CDH13: variants seen among roughly 807,000 people sequenced by gnomAD.
The protein encoded by CDH13 is cadherin 13.
A neutral mutation model predicts 63.8 loss-of-function variants in CDH13; 24 were observed. The ratio of observed to expected loss-of-function variants is 0.38; its 90% CI spans 0.27 to 0.53. The LOEUF is 0.53. Ranked by LOEUF, CDH13 falls within the 20% of genes least tolerant of loss-of-function variation. The pLI is 0.85. For missense variants in CDH13, 1,049 were observed against 903.1 expected (o/e 1.16, Z -2.07); for synonymous variants, 503 against 355.3 (o/e 1.42, Z -4.67).
intron 1 of CDH13, among the ~76,000 whole-genome samples, chr16:82,684,783 G>A (rs763571124): frequency 2.0e-5 from 3 of 152,182 alleles, no homozygotes; most frequent in Non-Finnish European, 4.4e-5. Flanking sequence ...AACATGACTT[G>A]CAGGCATAGC....
chr16:83,321,821 C>T (rs777785125), intron 5 of CDH13, among the ~76,000 whole-genome samples: 4 of 152,186 alleles, frequency 2.6e-5, no homozygotes, highest in Non-Finnish European at 5.9e-5. Flanking sequence ...AGCTCTGCGC[C>T]GGGCCAGAAA....
intron 1 of CDH13, among the ~76,000 whole-genome samples, chr16:82,794,878 C>T (rs2036506146): frequency 6.6e-6 from 1 of 152,180 alleles, no homozygotes; most frequent in Non-Finnish European, 1.5e-5. Flanking sequence ...CTTTTACCTC[C>T]CTCACTGGCA....
At chr16:83,375,988 G>A (rs567600800) in intron 6 of CDH13, among the ~76,000 whole-genome samples, 2 of 152,268 alleles carry the variant, frequency 1.3e-5, no homozygotes, top group African/African-American at 4.8e-5. Flanking sequence ...AATTGCATCA[G>A]CTCATTTATT....
intron 6 of CDH13, among the ~76,000 whole-genome samples, chr16:83,350,488 G>A (rs548353882): frequency 3.9e-5 from 6 of 152,312 alleles, no homozygotes; most frequent in African/African-American, 1.2e-4. Context: ...TAGCAGTTAC[G>A]TCCTCATTGT....
At chr16:83,363,365 T>C (rs1455909355) in intron 6 of CDH13, among the ~76,000 whole-genome samples, 1 of 152,234 alleles carries the variant, frequency 6.6e-6, no homozygotes, top group Non-Finnish European at 1.5e-5. Context: ...TATGTGAGTA[T>C]GCATGTGTGC....
intron 3 of CDH13, among the ~76,000 whole-genome samples, chr16:83,035,772 C>T (rs1019497057): frequency 1.3e-5 from 2 of 152,110 alleles, no homozygotes; most frequent in Admixed American, 1.3e-4. Flanking sequence ...ACCTCCTGAG[C>T]CTCTATGTAG....
intron 7 of CDH13, among the ~76,000 whole-genome samples, chr16:83,521,025 C>G (rs1451327016): frequency 6.6e-6 from 1 of 152,096 alleles, no homozygotes; most frequent in Non-Finnish European, 1.5e-5. Flanking sequence ...TCTGCTATTT[C>G]TAACATCTGT....
At position 83,390,917 on chromosome 16, in the gene CDH13, T is replaced by C. The variant is rs1189737613; in HGVS notation, c.781+45911T>C. Among the ~76,000 whole-genome samples the C allele has an allele frequency of 7.9e-5, 12 of 152,328 alleles. No individual in the cohort carries two copies. The East Asian group carries it at 1.9e-3, about 24-fold the overall frequency. On this transcript the variant is annotated intron_variant, in intron 6 of 13. Transcript: ENST00000567109. ...TCCACTGGAGCTGACCTCTTTGATG[T>C]CAGGCTCAGCAGAGGCCTGGCTCTT...
intron 2 of CDH13, among the ~76,000 whole-genome samples, chr16:82,876,506 C>T (rs1192911654): frequency 2.0e-5 from 3 of 152,062 alleles, no homozygotes; most frequent in African/African-American, 7.2e-5. Flanking sequence ...AATCCAAAGA[C>T]ATAAAAGGTA....
Position 83,493,764 on chromosome 16 carries a change from A to C in CDH13, c.960+7109A>C, listed in dbSNP as rs546780192. The stretch of plus-strand genomic sequence containing the variant: ...GGAAACCACCATTATTTAAACATTA[A>C]ACACAGCTCTGTTCAACACAGCATT... On this transcript the variant is annotated intron_variant, in intron 7 of 13. Transcript: ENST00000567109. Among the ~76,000 whole-genome samples, 210 of 152,326 alleles carry C rather than the reference A, an allele frequency of 1.4e-3. 5 individuals are homozygous for C. In the South Asian group the frequency reaches 0.04, roughly 29 times the overall value.
intron 1 of CDH13, among the ~76,000 whole-genome samples, chr16:82,712,307 A>C (rs1461650476): frequency 1.3e-5 from 2 of 152,144 alleles, no homozygotes; most frequent in Non-Finnish European, 2.9e-5. Context: ...AATACATTTT[A>C]TTCTGTCACT....
At position 83,157,588 on chromosome 16, in the gene CDH13, G is replaced by A. The variant is rs72800234; in HGVS notation, c.483+32087G>A. On this transcript the variant is annotated intron_variant, in intron 4 of 13. Coordinates refer to ENST00000567109, the MANE Select transcript of CDH13 (RefSeq NM_001257.5). ...GGACCTAGCAGGAAAATACCACATT[G>A]CCTAAGCAGTAAAGAAATATGTCCG... Among the ~76,000 whole-genome samples, 1,333 of 152,204 alleles carry A rather than the reference G, an allele frequency of 8.8e-3. 16 individuals are homozygous for A. The highest frequency in any genetic ancestry group is 0.012 in the Non-Finnish European group (828 of 67,996).
At chr16:82,788,989 T>C (rs1326116078) in intron 1 of CDH13, among the ~76,000 whole-genome samples, 1 of 152,168 alleles carries the variant, frequency 6.6e-6, no homozygotes, top group Non-Finnish European at 1.5e-5. Context: ...CGTTAGTCAA[T>C]TGTATGTTTC....
At position 83,538,347 on chromosome 16, in the gene CDH13, A is replaced by G. The variant is rs144923216; in HGVS notation, c.960+51692A>G. Reference sequence around the variant, plus strand: ...CACTGTCCCCTGAAGCAGTCACACTATACTCATCTCCGTAGATGATCAATC... The same window carrying G: ...CACTGTCCCCTGAAGCAGTCACACTGTACTCATCTCCGTAGATGATCAATC... On this transcript the variant is annotated intron_variant, in intron 7 of 13. Coordinates refer to ENST00000567109, the MANE Select transcript of CDH13 (RefSeq NM_001257.5). Among the ~76,000 whole-genome samples, 9 of 152,334 alleles carry G rather than the reference A, an allele frequency of 5.9e-5. No homozygotes were observed. In the Middle Eastern group the frequency reaches 0.01, roughly 173 times the overall value.
chr16:83,275,255 A>G (rs969590421), intron 5 of CDH13, among the ~76,000 whole-genome samples: 3 of 151,076 alleles, frequency 2.0e-5, no homozygotes, highest in Non-Finnish European at 4.4e-5. Context: ...TAATATTGAC[A>G]TTCTTTTTTG....
chr16:82,879,924 T>C (rs2040638767), intron 2 of CDH13, among the ~76,000 whole-genome samples: 2 of 137,412 alleles, frequency 1.5e-5, no homozygotes, highest in Admixed American at 1.7e-4. Context: ...TTAGATATTA[T>C]AGAAATATAT....
At chr16:82,808,394 G>C (rs1266928538) in intron 1 of CDH13, among the ~76,000 whole-genome samples, 1 of 152,086 alleles carries the variant, frequency 6.6e-6, no homozygotes, top group Non-Finnish European at 1.5e-5. Context: ...GAGACACTTA[G>C]TCAAAAATTG....
At chr16:82,918,939 A>G (rs1427947234) in intron 2 of CDH13, among the ~76,000 whole-genome samples, 1 of 152,198 alleles carries the variant, frequency 6.6e-6, no homozygotes, top group Non-Finnish European at 1.5e-5. Context: ...ATGCATTTTT[A>G]TCAACCAAAT....
At chr16:82,733,476 A>T (rs2033508780) in intron 1 of CDH13, among the ~76,000 whole-genome samples, 1 of 152,204 alleles carries the variant, frequency 6.6e-6, no homozygotes, top group Non-Finnish European at 1.5e-5. Flanking sequence ...GAAGAATACT[A>T]ACCAAGGGAA....
Sources: allele counts gnomAD v4.1 joint callset (sites outside exome capture counted in the v4.1 genomes callset), GRCh38; gene constraint gnomAD v4.1.1; transcripts MANE v1.5; gene names NCBI Gene and HGNC (gene_info 2026-07-23, HGNC 2026-07-21).